Variants in GALNT10 observed in about 807,000 individuals in gnomAD.
The protein encoded by GALNT10 is polypeptide N-acetylgalactosaminyltransferase 10.
In GALNT10, 41 loss-of-function variants were observed where a neutral mutation model predicts 75.0. The ratio of observed to expected loss-of-function variants is 0.55; its 90% CI spans 0.43 to 0.71. GALNT10 has a LOEUF of 0.71. GALNT10 is among the 30% of genes least tolerant of loss of function. The pLI is 0.00. For synonymous variants in GALNT10, 302 were observed against 313.0 expected (o/e 0.96, Z 0.37); for missense variants, 727 against 818.5 (o/e 0.89, Z 1.36).
chr5:154,283,347 G>A (rs1385357601), intron 1 of GALNT10, among the ~76,000 whole-genome samples: 1 of 151,694 alleles, frequency 6.6e-6, no homozygotes, highest in Non-Finnish European at 1.5e-5. Context: ...TTCTTGGGAG[G>A]CTGAGGCAGG....
intron 7 of GALNT10, among the ~76,000 whole-genome samples, chr5:154,403,412 G>A (rs1397608722): frequency 6.6e-6 from 1 of 152,180 alleles, no homozygotes; most frequent in African/African-American, 2.4e-5. Context: ...CCTGGGAGAG[G>A]GAGGCAAAGA....
chr5:154,226,903 A>T lies in GALNT10; in HGVS notation c.159+35878A>T, dbSNP rs149436289. Reference sequence around the variant, plus strand: ...CCTCTATCACCATAGATTAGTTTGTATTTTCTAGAGTTTTATACAAATGGA... The same window carrying T: ...CCTCTATCACCATAGATTAGTTTGTTTTTTCTAGAGTTTTATACAAATGGA... On this transcript the variant is annotated intron_variant, in intron 1 of 11. Coordinates refer to ENST00000297107, the MANE Select transcript of GALNT10 (RefSeq NM_198321.4). 3.6e-3 allele frequency among the ~76,000 whole-genome samples: 550 copies of T among 151,714 alleles called. 4 individuals carry two copies. Among genetic ancestry groups the T allele is most frequent in the African/African-American group, 0.013 (521 of 41,324 alleles).
chr5:154,396,174 A>G (rs1756015433), intron 7 of GALNT10, among the ~76,000 whole-genome samples: 1 of 151,140 alleles, frequency 6.6e-6, no homozygotes, highest in Non-Finnish European at 1.5e-5. Context: ...GGTTTTTAGA[A>G]CAAACCTGAC....
At chr5:154,225,154 G>T (rs189521955) in intron 1 of GALNT10, among the ~76,000 whole-genome samples, 18 of 148,000 alleles carry the variant, frequency 1.2e-4, no homozygotes, top group Non-Finnish European at 1.9e-4. Context: ...GTGTAGTGGC[G>T]CAATCTCGGC....
chr5:154,340,484 T>C (rs1034440356), intron 4 of GALNT10, among the ~76,000 whole-genome samples: 24 of 152,238 alleles, frequency 1.6e-4, no homozygotes, highest in African/African-American at 5.5e-4. Flanking sequence ...AATAGTGATA[T>C]GAAATGGCTC....
chr5:154,202,289 T>C (rs929156629), intron 1 of GALNT10, among the ~76,000 whole-genome samples: 1 of 152,192 alleles, frequency 6.6e-6, no homozygotes, highest in Non-Finnish European at 1.5e-5. Context: ...AACCTTCCCT[T>C]GGAGGCTCCA....
intron 1 of GALNT10, among the ~76,000 whole-genome samples, chr5:154,193,039 C>G (rs1311469924): frequency 1.3e-5 from 2 of 151,438 alleles, no homozygotes. Context: ...GGGTGCTGCT[C>G]AGAGCCCCTA....
In GALNT10 at chr5:154,380,455, T is replaced by C. The variant is rs1005305746; in HGVS notation, c.762T>C (p.Ile254=). ...VNWLPPLLDR[I]ARNRKTIVCP... ...ATCTCTTGGCTTCTTCAGACCGCAT[T>C]GCTCGGAACCGCAAGACCATTGTGT... The change falls in exon 6 of 12, where the codon ATT becomes ATC. Residue 254 remains isoleucine, a synonymous_variant. Coordinates refer to ENST00000297107, the MANE Select transcript of GALNT10 (RefSeq NM_198321.4). The C allele has an allele frequency of 6.2e-7, 1 of 1,613,540 alleles. No individual in the cohort carries two copies. Among genetic ancestry groups the C allele is most frequent in the Non-Finnish European group, 8.5e-7 (1 of 1,179,554 alleles).
At chr5:154,293,801 A>T (rs146408602) in intron 1 of GALNT10, among the ~76,000 whole-genome samples, 354 of 151,476 alleles carry the variant, frequency 2.3e-3, no homozygotes, top group African/African-American at 8.2e-3. Context: ...CCCAAACATC[A>T]CAAGTCAGTG....
chr5:154,273,211 C>T (rs930758006), intron 1 of GALNT10, among the ~76,000 whole-genome samples: 1 of 152,170 alleles, frequency 6.6e-6, no homozygotes, highest in African/African-American at 2.4e-5. Context: ...TTGGTTCAAG[C>T]CTGACTTCCT....
intron 4 of GALNT10, among the ~76,000 whole-genome samples, chr5:154,354,682 G>A (rs934379673): frequency 2.0e-5 from 3 of 152,182 alleles, no homozygotes; most frequent in African/African-American, 2.4e-5. Context: ...TCGGGTGGGG[G>A]GGTATCGTTG....
chr5:154,360,528 GA>G (rs1240705432), intron 4 of GALNT10, among the ~76,000 whole-genome samples: 2 of 150,040 alleles, frequency 1.3e-5, no homozygotes, highest in Admixed American at 6.6e-5. Context: ...ATTATAAAGT[GA>G]AAAAAAAGCA....
At position 154,272,758 on chromosome 5, in the gene GALNT10, G is replaced by C. The variant is rs189290254; in HGVS notation, c.160-22058G>C. On this transcript the variant is annotated intron_variant, in intron 1 of 11. Transcript: ENST00000297107. ...TAAGGACTTGAAATTGCCTAGCGCA[G>C]AGCCTGGAACATAGAGAGTCCAATA... Among the ~76,000 whole-genome samples the C allele has an allele frequency of 7.6e-4, 115 of 152,314 alleles. 2 individuals are homozygous for C. The East Asian group carries it at 0.019, about 26-fold the overall frequency.
intron 7 of GALNT10, among the ~76,000 whole-genome samples, chr5:154,398,969 A>G (rs116526120): frequency 1.0e-3 from 158 of 152,292 alleles, no homozygotes; most frequent in African/African-American, 3.5e-3. Context: ...GCAAGTAGAA[A>G]TGACTAACAT....
intron 4 of GALNT10, among the ~76,000 whole-genome samples, chr5:154,358,706 G>A (rs1336522884): frequency 6.6e-6 from 1 of 151,924 alleles, no homozygotes; most frequent in East Asian, 1.9e-4. Context: ...GCCACCTTCA[G>A]TACAAACATC....
intron 1 of GALNT10, among the ~76,000 whole-genome samples, chr5:154,207,329 C>G (rs1024239896): frequency 1.3e-5 from 2 of 152,174 alleles, no homozygotes; most frequent in South Asian, 4.1e-4. Context: ...CGAGAGCTGT[C>G]CTGGGAGCAC....
intron 1 of GALNT10, among the ~76,000 whole-genome samples, chr5:154,222,755 T>C (rs1337179252): frequency 6.6e-6 from 1 of 152,238 alleles, no homozygotes; most frequent in African/African-American, 2.4e-5. Context: ...TTATGTCTTT[T>C]GTGAAGTATC....
intron 1 of GALNT10, among the ~76,000 whole-genome samples, chr5:154,264,882 T>A (rs374037795): frequency 6.6e-6 from 1 of 152,204 alleles, no homozygotes; most frequent in Non-Finnish European, 1.5e-5. Context: ...AGCCCAATAC[T>A]GTGGGCTCTT....
At chr5:154,275,166 T>C (rs1447701926) in intron 1 of GALNT10, among the ~76,000 whole-genome samples, 1 of 152,206 alleles carries the variant, frequency 6.6e-6, no homozygotes, top group Non-Finnish European at 1.5e-5. Flanking sequence ...TTCATAAACA[T>C]TTACTGAGTT....
Sources: allele counts gnomAD v4.1 joint callset (sites outside exome capture counted in the v4.1 genomes callset), GRCh38; gene constraint gnomAD v4.1.1; transcripts MANE v1.5; gene names NCBI Gene and HGNC (gene_info 2026-07-23, HGNC 2026-07-21).